TMEM237: variants seen among roughly 807,000 people sequenced by gnomAD.
TMEM237 encodes the protein amyotrophic lateral sclerosis 2 (juvenile) chromosome region, candidate 4.
Under a neutral mutation model 59.1 loss-of-function variants are expected in TMEM237, and 51 were observed. The observed-to-expected ratio is 0.86, with a 90% confidence interval of 0.69 to 1.09. The LOEUF (loss-of-function observed/expected upper bound fraction) is 1.09, where lower values mean the gene tolerates loss of function less well. Among genes scored for constraint, TMEM237 ranks in the 50% least tolerant of loss-of-function variants. The pLI, the probability that TMEM237 is intolerant of heterozygous loss-of-function variation, is 0.00. For missense variants in TMEM237, 475 were observed against 478.3 expected, an observed-to-expected ratio of 0.99 and a Z score of 0.06; for synonymous variants, 140 against 166.1, an observed-to-expected ratio of 0.84 and a Z score of 1.21.
intron 3 of TMEM237, among the ~76,000 whole-genome samples, chr2:201,639,964 T>C (rs1310026897): frequency 1.3e-5 from 2 of 152,230 alleles, no homozygotes; most frequent in East Asian, 1.9e-4. Flanking sequence ...TATAACCTTG[T>C]CTACCCTGAC....
chr2:201,623,250 G>T lies in TMEM237; in HGVS notation c.*1005C>A, dbSNP rs74468404. 1 of 432,708 alleles carries T rather than the reference G, an allele frequency of 2.3e-6. No homozygotes were observed. Among genetic ancestry groups the T allele is most frequent in the South Asian group, 1.7e-5 (1 of 59,692 alleles). The allele number at this position is 432,708 out of a possible 1,614,324, so 26.8% of individuals were successfully genotyped here. ...TTTATTGATGTGCTCAACAGCCTTT[G>T]AAACATTTTTTCCCATAGCTAGTCT... On this transcript the variant is annotated 3_prime_UTR_variant, in exon 13 of 13. Transcript: ENST00000409883.
intron 1 of TMEM237, chr2:201,642,477 G>T (rs1262207925): frequency 7.8e-6 from 8 of 1,021,352 alleles, no homozygotes; most frequent in African/African-American, 1.7e-5. Context: ...CTCTGTTCAC[G>T]TAACTGATTT....
chr2:201,637,612 C>T (rs1687323149), intron 4 of TMEM237, among the ~76,000 whole-genome samples: 1 of 151,952 alleles, frequency 6.6e-6, no homozygotes, highest in Non-Finnish European at 1.5e-5. Flanking sequence ...GGTGTAGTGG[C>T]ATGCGCCTGT....
In TMEM237 at chr2:201,642,624, C is replaced by T. The variant is rs751445554; in HGVS notation, c.42+735G>A. The stretch of plus-strand genomic sequence containing the variant: ...GCTCGCTTACCACAGGATTCTTCCC[C>T]ATTCTGCGTTTAGCCGGCCTCGGCG... On this transcript the variant is annotated intron_variant, in intron 1 of 12. Transcript: ENST00000409883. 7.5e-6 allele frequency: 12 copies of T among 1,609,122 alleles called. No individual in the cohort carries two copies. The South Asian group carries it at 1.2e-4, about 16-fold the overall frequency.
chr2:201,629,061 C>T (rs1427869698), intron 9 of TMEM237, among the ~76,000 whole-genome samples, 169 bp downstream of exon 9: 1 of 152,204 alleles, frequency 6.6e-6, no homozygotes, highest in Non-Finnish European at 1.5e-5. Flanking sequence ...ATTTTGTTTA[C>T]AATGGTCTCA....
chr2:201,624,332 A>T lies in TMEM237; in HGVS notation c.1160-10T>A, dbSNP rs1406894372. ...GAGGAGAACATTAACTCTGGAGAAG[A>T]AAATGAACAGATCATACTTAAAATT... is the stretch of plus-strand genomic sequence containing the variant. On this transcript the variant is annotated splice_polypyrimidine_tract_variant and intron_variant, in intron 12 of 12. Coordinates refer to ENST00000409883, the MANE Select transcript of TMEM237 (RefSeq NM_001044385.3). 1.2e-6 allele frequency: 2 copies of T among 1,606,718 alleles called. No individual in the cohort carries two copies. Among genetic ancestry groups the T allele is most frequent in the South Asian group, 2.2e-5 (2 of 90,076 alleles).
chr2:201,638,947 G>A, intron 4 of TMEM237, 42 bp downstream of exon 4: 1 of 1,546,704 alleles, frequency 6.5e-7, no homozygotes, highest in Non-Finnish European at 8.8e-7. Context: ...CTGAGGTCCT[G>A]GGAAAACTTG....
intron 11 of TMEM237, among the ~76,000 whole-genome samples, chr2:201,626,506 C>T (rs1006214160): frequency 2.3e-5 from 3 of 128,362 alleles, no homozygotes; most frequent in African/African-American, 9.0e-5. Context: ...AAAAAGACTA[C>T]TTTTGGATGC....
chr2:201,624,722 C>G (rs774077884), intron 12 of TMEM237, among the ~76,000 whole-genome samples: 1 of 152,070 alleles, frequency 6.6e-6, no homozygotes, highest in Non-Finnish European at 1.5e-5. Flanking sequence ...GAGATGTGTG[C>G]CAGGATATTT....
chr2:201,633,273 A>C, intron 6 of TMEM237, 38 bp downstream of exon 6: 1 of 1,572,080 alleles, frequency 6.4e-7, no homozygotes, highest in Non-Finnish European at 8.6e-7. Flanking sequence ...CATCAGGGTA[A>C]TCCTGGAGAA....
At position 201,620,198 on chromosome 2, in the gene TMEM237, ACTT is replaced by A. The variant is rs1216263823; in HGVS notation, c.*4054_*4056del. The A allele has an allele frequency of 6.6e-6, 1 of 152,194 alleles. No homozygotes were observed. The highest frequency in any genetic ancestry group is 1.5e-5 in the Non-Finnish European group (1 of 68,030). 9.4% of individuals were successfully genotyped at this position (152,194 alleles called of 1,614,324 possible). On this transcript the variant is annotated 3_prime_UTR_variant, in exon 13 of 13. Coordinates refer to ENST00000409883, the MANE Select transcript of TMEM237 (RefSeq NM_001044385.3). ...CAGAACAAAACCAGAGAATTCCAGA[ACTT>A]CTTTATTGTACATAAAAATCTGAAT...
At chr2:201,634,103 T>C (rs916818909) in intron 5 of TMEM237, among the ~76,000 whole-genome samples, 2 of 152,226 alleles carry the variant, frequency 1.3e-5, no homozygotes, top group African/African-American at 4.8e-5. Flanking sequence ...TCTATCAGTG[T>C]AGGGAGCTGT....
At chr2:201,625,838 C>G (rs775190249) in intron 12 of TMEM237, among the ~76,000 whole-genome samples, 188 bp downstream of exon 12, 9 of 152,144 alleles carry the variant, frequency 5.9e-5, no homozygotes, top group Admixed American at 1.3e-4. Context: ...CTCAAGCCCT[C>G]CTAGACACTC....
At position 201,643,239 on chromosome 2, in the gene TMEM237, CA is replaced by C; in HGVS notation, c.42+119del. 1 of 1,152,120 alleles carries C rather than the reference CA, an allele frequency of 8.7e-7. No individual in the cohort carries two copies. Among genetic ancestry groups the C allele is most frequent in the Non-Finnish European group, 1.2e-6 (1 of 814,082 alleles). 71.4% of individuals were successfully genotyped at this position (1,152,120 alleles called of 1,614,324 possible). A position where few individuals can be genotyped will look rare whatever the true frequency, so the allele number is the denominator to read the frequency against. On this transcript the variant is annotated intron_variant, in intron 1 of 12. Transcript: ENST00000409883. The surrounding 1 kb of genome is among the most constrained non-coding windows in gnomAD (Gnocchi z 4.3). ...GGGGCGGATGCGCGCACCCCACGAGCAAGGCCCTCCCTTAGTGATTCCCAGC... is the reference window on the plus strand; with the variant it reads ...GGGGCGGATGCGCGCACCCCACGAGCAGGCCCTCCCTTAGTGATTCCCAGC...
intron 9 of TMEM237, 44 bp downstream of exon 9, chr2:201,629,186 T>C (rs1279727138): frequency 1.4e-6 from 2 of 1,397,092 alleles, no homozygotes; most frequent in Admixed American, 5.7e-5. Flanking sequence ...TGCTCAGCAT[T>C]TCCTCCTGAA....
chr2:201,642,979 C>A, intron 1 of TMEM237: 1 of 1,301,752 alleles, frequency 7.7e-7, no homozygotes, highest in Non-Finnish European at 9.7e-7. Flanking sequence ...TTAAAGGACT[C>A]CGCAGGCGAA....
chr2:201,643,274 G>GGGCCCCCCCCCCCCCCCC lies in TMEM237; in HGVS notation c.42+84_42+85insGGGGGGGGGGGGGGGGCC. 8.3e-7 allele frequency: 1 copy of GGGCCCCCCCCCCCCCCCC among 1,206,758 alleles called. No homozygotes were observed. Among genetic ancestry groups the GGGCCCCCCCCCCCCCCCC allele is most frequent in the Non-Finnish European group, 1.2e-6 (1 of 849,320 alleles). The allele number at this position is 1,206,758 out of a possible 1,614,324, so 74.8% of individuals were successfully genotyped here. A position where few individuals can be genotyped will look rare whatever the true frequency, so the allele number is the denominator to read the frequency against. On this transcript the variant is annotated intron_variant, in intron 1 of 12. Transcript: ENST00000409883. This position sits in a 1 kb window ranked among gnomAD's most constrained non-coding sequence, Gnocchi z 4.3. ...CCTTAGTGATTCCCAGCTCGTTGGC[G>GGGCCCCCCCCCCCCCCCC]CCCCCCCACACACACCCACCCCCAC... is the stretch of plus-strand genomic sequence containing the variant.
rs1432456518 is a variant in TMEM237 at position 201,623,523 on chromosome 2, G to GT, written c.*731dup. The GT allele has an allele frequency of 6.4e-6, 1 of 155,148 alleles. No homozygotes were observed. Among genetic ancestry groups the GT allele is most frequent in the Non-Finnish European group, 1.4e-5 (1 of 69,756 alleles). 9.6% of individuals were successfully genotyped at this position (155,148 alleles called of 1,614,324 possible). On this transcript the variant is annotated 3_prime_UTR_variant, in exon 13 of 13. Transcript: ENST00000409883. ...CAACTGGGAGCCCACAAGCTCACAG[G>GT]TCTCTCCTTTATTCCCCTGAGCCTT...
intron 12 of TMEM237, among the ~76,000 whole-genome samples, chr2:201,624,608 T>C (rs954956486): frequency 2.1e-4 from 32 of 152,168 alleles, no homozygotes; most frequent in African/African-American, 7.5e-4. Flanking sequence ...TTAAGTCACT[T>C]AGAGAATCAA....
Sources: gnomAD v4.1 joint callset for allele counts (sites outside exome capture counted in the v4.1 genomes callset) on GRCh38, gnomAD v4.1.1 for gene constraint, Gnocchi (gnomAD v3.1) non-coding constraint, MANE v1.5 for transcripts, NCBI Gene and HGNC (gene_info 2026-07-23, HGNC 2026-07-21) for gene names.